Variants in NTNG1 observed in about 807,000 individuals in gnomAD.
NTNG1 encodes the protein netrin-G1.
Under a neutral mutation model 54.0 loss-of-function variants are expected in NTNG1, and 16 were observed. The ratio of observed to expected loss-of-function variants is 0.30; its 90% confidence interval spans 0.20 to 0.45. The LOEUF (loss-of-function observed/expected upper bound fraction) is 0.45. Ranked by LOEUF, NTNG1 falls within the 20% of genes least tolerant of loss-of-function variation. The pLI is 1.00. For missense variants in NTNG1, 530 were observed against 678.7 expected (o/e 0.78, Z 2.43); for synonymous variants, 255 against 263.1 (o/e 0.97, Z 0.30).
At chr1:107,222,234 CT>C (rs1258518784) in intron 2 of NTNG1, among the ~76,000 whole-genome samples, 1 of 152,102 alleles carries the variant, frequency 6.6e-6, no homozygotes, top group African/African-American at 2.4e-5. Flanking sequence ...TTATCTGTCT[CT>C]CTGTACTTGC....
intron 5 of NTNG1, among the ~76,000 whole-genome samples, chr1:107,414,085 G>T (rs1674028749): frequency 6.6e-6 from 1 of 152,158 alleles, no homozygotes; most frequent in South Asian, 2.1e-4. Flanking sequence ...AAGCTTTCTT[G>T]ATGTTAATAA....
chr1:107,163,871 A>G (rs753201181), intron 2 of NTNG1, among the ~76,000 whole-genome samples: 4 of 152,196 alleles, frequency 2.6e-5, no homozygotes, highest in Non-Finnish European at 4.4e-5. Context: ...TGGCTCTCAT[A>G]AAGGCATAGC....
chr1:107,173,190 A>AT (rs148419616), intron 2 of NTNG1, among the ~76,000 whole-genome samples: 2,984 of 152,220 alleles, frequency 0.02, 100 homozygotes, highest in African/African-American at 0.068. Context: ...CCCAGCCAGG[A>AT]TTTTGTTGTG....
intron 2 of NTNG1, among the ~76,000 whole-genome samples, chr1:107,246,063 TG>T (rs1232010619): frequency 6.6e-6 from 1 of 152,176 alleles, no homozygotes; most frequent in Non-Finnish European, 1.5e-5. Flanking sequence ...TGTTTTGTTT[TG>T]TTTTGGAGAC....
At chr1:107,399,850 T>C (rs537459085) in intron 4 of NTNG1, among the ~76,000 whole-genome samples, 2 of 152,264 alleles carry the variant, frequency 1.3e-5, no homozygotes, top group East Asian at 3.9e-4. Context: ...AGGCTCCATT[T>C]CAATGCCTAT....
intron 2 of NTNG1, among the ~76,000 whole-genome samples, chr1:107,159,274 C>A (rs546549845): frequency 6.6e-6 from 1 of 152,292 alleles, no homozygotes; most frequent in African/African-American, 2.4e-5. Context: ...GGAGCATACT[C>A]ATCAATGTGG....
At chr1:107,322,192 A>G (rs1053678317) in intron 2 of NTNG1, among the ~76,000 whole-genome samples, 2 of 152,118 alleles carry the variant, frequency 1.3e-5, no homozygotes, top group African/African-American at 4.8e-5. Flanking sequence ...CCCTATCCCT[A>G]TCTGAGAAGC....
chr1:107,386,263 G>C (rs1009351252), intron 3 of NTNG1, among the ~76,000 whole-genome samples: 1 of 150,794 alleles, frequency 6.6e-6, no homozygotes, highest in Non-Finnish European at 1.5e-5. Flanking sequence ...TACACCTCTT[G>C]GATTCAAGCT....
rs142620550 is a variant in NTNG1, at chr1:107,390,988, T to C, written c.888-4166T>C. Among the ~76,000 whole-genome samples, 267 of 152,262 alleles carry C rather than the reference T, an allele frequency of 1.8e-3. 2 individuals are homozygous for C. The highest frequency in any genetic ancestry group is 6.1e-3 in the African/African-American group (254 of 41,556). On this transcript the variant is annotated intron_variant, in intron 3 of 7. Transcript: ENST00000370068. Reference sequence around the variant, plus strand: ...TGGTGGACCAGAGAAACATTCCAACTATGGGCAGATATTTTTTGTATACCA... The same window carrying C: ...TGGTGGACCAGAGAAACATTCCAACCATGGGCAGATATTTTTTGTATACCA...
intron 3 of NTNG1, among the ~76,000 whole-genome samples, chr1:107,384,392 C>T (rs1250440121): frequency 6.6e-6 from 1 of 152,130 alleles, no homozygotes; most frequent in Non-Finnish European, 1.5e-5. Flanking sequence ...TACAAGAAGA[C>T]TTTCTGGTCC....
At chr1:107,407,579 A>G in intron 4 of NTNG1, 103 bp from the exon 5 acceptor site, 1 of 895,260 alleles carries the variant, frequency 1.1e-6, no homozygotes, top group Non-Finnish European at 1.7e-6. Flanking sequence ...AATAGTCTGA[A>G]TATTATCAAG....
chr1:107,209,228 A>G (rs1272944772), intron 2 of NTNG1, among the ~76,000 whole-genome samples: 1 of 151,888 alleles, frequency 6.6e-6, no homozygotes, highest in African/African-American at 2.4e-5. Flanking sequence ...GATTACCACA[A>G]TGTGGTAATT....
At chr1:107,344,497 T>C (rs2101936924) in intron 3 of NTNG1, among the ~76,000 whole-genome samples, 1 of 152,312 alleles carries the variant, frequency 6.6e-6, no homozygotes, top group East Asian at 1.9e-4. Context: ...CAGAATCCTA[T>C]GGGGCCTCCC....
intron 5 of NTNG1, among the ~76,000 whole-genome samples, chr1:107,413,772 C>T (rs983419778): frequency 6.6e-6 from 1 of 152,156 alleles, no homozygotes; most frequent in East Asian, 1.9e-4. Context: ...TAAATGAATT[C>T]CCTAAAGCAT....
chr1:107,222,180 C>A (rs756921430), intron 2 of NTNG1, among the ~76,000 whole-genome samples: 1 of 152,108 alleles, frequency 6.6e-6, no homozygotes. Flanking sequence ...ATCTGGATAG[C>A]TTCTCTTCTG....
At chr1:107,283,822 A>G (rs1665020836) in intron 2 of NTNG1, among the ~76,000 whole-genome samples, 1 of 152,174 alleles carries the variant, frequency 6.6e-6, no homozygotes, top group African/African-American at 2.4e-5. Flanking sequence ...CCACATCATC[A>G]ACTCAGCCAT....
intron 2 of NTNG1, among the ~76,000 whole-genome samples, chr1:107,180,263 A>G (rs186887914): frequency 1.3e-5 from 2 of 152,170 alleles, no homozygotes; most frequent in Non-Finnish European, 2.9e-5. Context: ...TTACTTAGTA[A>G]GCATAATAAT....
intron 7 of NTNG1, among the ~76,000 whole-genome samples, chr1:107,470,938 T>G (rs115802110): frequency 0.012 from 1,820 of 152,186 alleles, 34 homozygotes; most frequent in African/African-American, 0.041. Flanking sequence ...GGCCAAAAAT[T>G]TTAGGGATGT....
chr1:107,448,530 T>G (rs1380431026), intron 7 of NTNG1, among the ~76,000 whole-genome samples: 1 of 152,124 alleles, frequency 6.6e-6, no homozygotes, highest in Non-Finnish European at 1.5e-5. Context: ...CTTACTGATC[T>G]GCATTTTAAT....
Sources: gnomAD v4.1 joint callset for allele counts (sites outside exome capture counted in the v4.1 genomes callset) on GRCh38, gnomAD v4.1.1 for gene constraint, MANE v1.5 for transcripts, NCBI Gene and HGNC (gene_info 2026-07-23, HGNC 2026-07-21) for gene names.